RNF216: variants seen among roughly 807,000 people sequenced by gnomAD.
RNF216 encodes the protein E3 ubiquitin-protein ligase RNF216.
In RNF216, 72 loss-of-function variants were observed where a neutral mutation model predicts 110.8. The ratio of observed to expected loss-of-function variants is 0.65; its 90% confidence interval spans 0.54 to 0.79. RNF216 has a LOEUF of 0.79. Among genes scored for constraint, RNF216 ranks in the 30% least tolerant of loss-of-function variants. RNF216 has a pLI of 0.00. For synonymous variants in RNF216, 495 were observed against 407.5 expected (o/e 1.21, Z -2.59); for missense variants, 1,342 against 1,141.2 (o/e 1.18, Z -2.54).
At chr7:5,730,950 T>G (rs1243876829) in intron 5 of RNF216, 133 bp from the exon 6 acceptor site, 1 of 1,346,902 alleles carries the variant, frequency 7.4e-7, no homozygotes, top group East Asian at 2.5e-5. Context: ...TTAAGATGTT[T>G]GTAGCCCAGA....
chr7:5,728,400 T>C (rs1409353265), intron 7 of RNF216, among the ~76,000 whole-genome samples: 2 of 151,600 alleles, frequency 1.3e-5, no homozygotes, highest in Non-Finnish European at 2.9e-5. Flanking sequence ...GCCGAAATGG[T>C]GAAACCCCAT....
chr7:5,641,067 T>A, intron 15 of RNF216, 87 bp downstream of exon 15: 1 of 1,097,002 alleles, frequency 9.1e-7, no homozygotes. Flanking sequence ...TAAGTCAAAT[T>A]TTGTTACGTA....
At chr7:5,629,144 G>C (rs1043607479) in intron 15 of RNF216, among the ~76,000 whole-genome samples, 1 of 149,846 alleles carries the variant, frequency 6.7e-6, no homozygotes, top group Non-Finnish European at 1.5e-5. Flanking sequence ...GCAATGAGCA[G>C]AGATGGCGCC....
chr7:5,749,016 G>A (rs909185081), intron 3 of RNF216, among the ~76,000 whole-genome samples: 1 of 152,100 alleles, frequency 6.6e-6, no homozygotes, highest in Non-Finnish European at 1.5e-5. Flanking sequence ...TAAGGAAAAA[G>A]GAAGCACTTC....
chr7:5,755,129 A>AGAGG (rs1173561410), intron 2 of RNF216, among the ~76,000 whole-genome samples: 3 of 135,788 alleles, frequency 2.2e-5, no homozygotes, highest in Non-Finnish European at 3.3e-5. Flanking sequence ...AGGAAAGGAA[A>AGAGG]GAGGGAGGGA....
chr7:5,754,231 C>G (rs904270834), intron 2 of RNF216, among the ~76,000 whole-genome samples: 1 of 151,700 alleles, frequency 6.6e-6, no homozygotes, highest in African/African-American at 2.4e-5. Context: ...TCATAGCTCA[C>G]TGCAGCTTCA....
chr7:5,777,981 T>C (rs1318133141), intron 1 of RNF216, among the ~76,000 whole-genome samples: 1 of 152,214 alleles, frequency 6.6e-6, no homozygotes, highest in African/African-American at 2.4e-5. Context: ...TTTTCAACGA[T>C]CTTTTTAGAA....
At chr7:5,767,248 T>C (rs1218171228) in intron 1 of RNF216, among the ~76,000 whole-genome samples, 1 of 152,096 alleles carries the variant, frequency 6.6e-6, no homozygotes, top group East Asian at 1.9e-4. Context: ...CCATGAAAAA[T>C]GAGAAGCACA....
rs150494013 is a variant in RNF216, at chr7:5,623,040, G to A, written c.2592C>T (p.Phe864=). The A allele has an allele frequency of 5.1e-4, 821 of 1,614,074 alleles. 8 individuals are homozygous for A. The East Asian group carries it at 0.016, about 32-fold the overall frequency. ...MPPYAFAHPP[F]PLPPVRPVFN... Reference sequence around the variant, plus strand: ...ACACAGGCCGCACGGGAGGCAGGGGGAAGGGTGGGTGCGCGAAGGCATAGG... The same window carrying A: ...ACACAGGCCGCACGGGAGGCAGGGGAAAGGGTGGGTGCGCGAAGGCATAGG... Residue 864 remains phenylalanine, a synonymous_variant, in exon 17 of 17, where the codon TTC becomes TTT. Transcript: ENST00000389902.
rs568789546 is a variant in RNF216 at position 5,646,045 on chromosome 7, T to C, written c.2160-4669A>G. Among the ~76,000 whole-genome samples, 63 of 152,314 alleles carry C rather than the reference T, an allele frequency of 4.1e-4. No individual in the cohort carries two copies. The South Asian group carries it at 6.0e-3, about 15-fold the overall frequency. On this transcript the variant is annotated intron_variant, in intron 14 of 16. Transcript: ENST00000389902. ...AGTATGCCCAATGTGTCCTCAGAGA[T>C]GGTTTCTATCAACTACTTTTTTCCC...
Position 5,761,148 on chromosome 7 carries a change from A to G in RNF216, c.-69-10T>C. Reference sequence around the variant, plus strand: ...ATCTGTTTCAAAAGAACTGAAAAGGAAGCAAAGAGTAACAGTAAGAATGAG... The same window carrying G: ...ATCTGTTTCAAAAGAACTGAAAAGGGAGCAAAGAGTAACAGTAAGAATGAG... On this transcript the variant is annotated splice_polypyrimidine_tract_variant and intron_variant, in intron 1 of 16. Coordinates refer to ENST00000389902, the MANE Select transcript of RNF216 (RefSeq NM_207111.4). The G allele has an allele frequency of 1.2e-6, 1 of 815,164 alleles. No individual in the cohort carries two copies. Among genetic ancestry groups the G allele is most frequent in the South Asian group, 1.7e-5 (1 of 58,812 alleles). The allele number at this position is 815,164 out of a possible 1,614,324, so 50.5% of individuals were successfully genotyped here. A position where few individuals can be genotyped will look rare whatever the true frequency, so the allele number is the denominator to read the frequency against.
intron 3 of RNF216, among the ~76,000 whole-genome samples, 177 bp downstream of exon 3, chr7:5,752,669 A>T (rs1427378834): frequency 6.6e-6 from 1 of 152,242 alleles, no homozygotes; most frequent in Non-Finnish European, 1.5e-5. Context: ...TTCAATCCAG[A>T]AACAGACTGA....
chr7:5,661,944 C>T (rs1216540160), intron 13 of RNF216, among the ~76,000 whole-genome samples: 2 of 152,256 alleles, frequency 1.3e-5, no homozygotes, highest in Non-Finnish European at 2.9e-5. Flanking sequence ...TGTGTGCCCA[C>T]ATGGCGTTTG....
intron 14 of RNF216, among the ~76,000 whole-genome samples, chr7:5,647,328 C>CTTTTTTTTTTTTTTT (rs10617479): frequency 6.3e-5 from 6 of 94,806 alleles, no homozygotes; most frequent in South Asian, 3.8e-4. Context: ...TTCTTTCTTT[C>CTTTTTTTTTTTTTTT]TTTTTTTTTT....
intron 8 of RNF216, among the ~76,000 whole-genome samples, chr7:5,724,088 G>A (rs1793608206): frequency 6.6e-6 from 1 of 152,174 alleles, no homozygotes. Flanking sequence ...AACTGAGACA[G>A]GTTTATGACC....
At chr7:5,720,043 T>TA (rs770132402) in intron 9 of RNF216, among the ~76,000 whole-genome samples, 19 of 152,232 alleles carry the variant, frequency 1.2e-4, no homozygotes, top group Admixed American at 4.6e-4. Context: ...CTTAAAAATG[T>TA]AAGTGCATGG....
At chr7:5,765,761 A>C (rs1796171376) in intron 1 of RNF216, among the ~76,000 whole-genome samples, 1 of 148,542 alleles carries the variant, frequency 6.7e-6, no homozygotes. Context: ...TGGGCAACAC[A>C]GTGAAACCCC....
chr7:5,669,784 C>T (rs1054895252), intron 13 of RNF216, among the ~76,000 whole-genome samples: 4 of 152,180 alleles, frequency 2.6e-5, no homozygotes, highest in East Asian at 3.9e-4. Flanking sequence ...CCAAGCTACT[C>T]GGGAGGCCGA....
At chr7:5,718,492 C>CA (rs1451120032) in intron 9 of RNF216, among the ~76,000 whole-genome samples, 1 of 150,806 alleles carries the variant, frequency 6.6e-6, no homozygotes. Flanking sequence ...CAACCTTAGA[C>CA]AAAAAAACAA....
Sources: gnomAD v4.1 joint callset for allele counts (sites outside exome capture counted in the v4.1 genomes callset) on GRCh38, gnomAD v4.1.1 for gene constraint, MANE v1.5 for transcripts, NCBI Gene and HGNC (gene_info 2026-07-23, HGNC 2026-07-21) for gene names.